ZNRF3: variants seen among roughly 807,000 people sequenced by gnomAD.
ZNRF3 encodes zinc and ring finger 3.
Under a neutral mutation model 72.5 loss-of-function variants are expected in ZNRF3, and 23 were observed. The observed-to-expected ratio is 0.32, with a 90% CI of 0.23 to 0.45. ZNRF3 has a LOEUF of 0.45. Among genes scored for constraint, ZNRF3 ranks in the 20% least tolerant of loss-of-function variants. The probability of loss-of-function intolerance (pLI) is 1.00; values close to 1 mark genes in which losing one functional copy is unlikely to be tolerated. For synonymous variants in ZNRF3, 610 were observed against 545.3 expected (o/e 1.12, Z -1.65); for missense variants, 1,169 against 1,272.1 (o/e 0.92, Z 1.23).
At position 28,884,188 on chromosome 22, in the gene ZNRF3, C is replaced by G. The variant is rs1173923026; in HGVS notation, c.300+122C>G. 35 of 757,786 alleles carry G rather than the reference C, an allele frequency of 4.6e-5. No individual in the cohort carries two copies. The South Asian group carries it at 1.9e-3, about 42-fold the overall frequency. 46.9% of individuals were successfully genotyped at this position (757,786 alleles called of 1,614,324 possible). ...GCGGGCGGGAGGGGTGGCCGAGAGG[C>G]CGGCGGCATCCCTCCCCTGCGGGCG... On this transcript the variant is annotated intron_variant, in intron 1 of 8. Coordinates refer to ENST00000544604, the MANE Select transcript of ZNRF3 (RefSeq NM_001206998.2).
chr22:29,043,703 A>C (rs937277942), intron 4 of ZNRF3, among the ~76,000 whole-genome samples: 3 of 152,094 alleles, frequency 2.0e-5, no homozygotes, highest in Non-Finnish European at 4.4e-5. Context: ...GCCATCTCTC[A>C]TCCTTTCTTT....
rs767941669 is a variant in ZNRF3, at chr22:29,030,496, T to G, written c.427-11999T>G. ...TCTCCTAAATAGATCAGCATAATCT[T>G]AACTAGGACTTAAAATGCATCATCT... On this transcript the variant is annotated intron_variant, in intron 2 of 8. Transcript: ENST00000544604. The surrounding 1 kb of genome is among the most constrained non-coding windows in gnomAD (Gnocchi z 4.2). Among the ~76,000 whole-genome samples the G allele has an allele frequency of 6.6e-6, 1 of 152,230 alleles. No individual in the cohort carries two copies. Among genetic ancestry groups the G allele is most frequent in the Admixed American group, 6.5e-5 (1 of 15,278 alleles).
At chr22:29,038,816 A>G (rs998227357) in intron 2 of ZNRF3, among the ~76,000 whole-genome samples, 1 of 152,168 alleles carries the variant, frequency 6.6e-6, no homozygotes, top group Admixed American at 6.5e-5. Flanking sequence ...TTTTAATAGT[A>G]GTTTACATTA....
chr22:29,044,736 G>C (rs759595842), intron 4 of ZNRF3, 44 bp from the exon 5 acceptor site: 31 of 1,387,508 alleles, frequency 2.2e-5, no homozygotes, highest in Non-Finnish European at 3.2e-5. Context: ...CGCTTACCAG[G>C]CTGGAGAGAG....
intron 1 of ZNRF3, among the ~76,000 whole-genome samples, chr22:28,904,940 C>CTT (rs563812107): frequency 8.6e-5 from 12 of 139,542 alleles, no homozygotes; most frequent in Admixed American, 1.5e-4. Context: ...GTGAAAGTGT[C>CTT]TTTTTTTTTT....
At chr22:28,920,553 G>A (rs757102373) in intron 1 of ZNRF3, among the ~76,000 whole-genome samples, 69 of 152,242 alleles carry the variant, frequency 4.5e-4, no homozygotes, top group Non-Finnish European at 8.5e-4. Context: ...TTACAGGCGT[G>A]AGCCACAGCA....
rs538909892 is a variant in ZNRF3, at chr22:28,915,844, C to G, written c.300+31778C>G. ...GTAGGTCTGACCACTGACACACACA[C>G]GGGCACCGCCCCCATATCCCACCCC... On this transcript the variant is annotated intron_variant, in intron 1 of 8. Coordinates refer to ENST00000544604, the MANE Select transcript of ZNRF3 (RefSeq NM_001206998.2). Among the ~76,000 whole-genome samples the G allele has an allele frequency of 2.0e-5, 3 of 152,300 alleles. No homozygotes were observed. The South Asian group carries it at 6.2e-4, about 32-fold the overall frequency.
Position 28,997,495 on chromosome 22 carries a change from A to AC in ZNRF3, c.426+10295dup, listed in dbSNP as rs2036063510. Among the ~76,000 whole-genome samples, 29 of 152,034 alleles carry AC rather than the reference A, an allele frequency of 1.9e-4. No homozygotes were observed. In the South Asian group the frequency reaches 6.0e-3, roughly 32 times the overall value. The stretch of plus-strand genomic sequence containing the variant: ...TCTGCCCCATTGCCTGCCATGAACA[A>AC]CAGGTTCCTGGTAGCCTTTGTGCTA... On this transcript the variant is annotated intron_variant, in intron 2 of 8. Transcript: ENST00000544604.
At chr22:28,915,904 C>T (rs2034399358) in intron 1 of ZNRF3, among the ~76,000 whole-genome samples, 1 of 152,206 alleles carries the variant, frequency 6.6e-6, no homozygotes, top group African/African-American at 2.4e-5. Context: ...CTTCTTTTGA[C>T]TTAAGCATTT....
intron 1 of ZNRF3, among the ~76,000 whole-genome samples, chr22:28,950,162 C>T (rs1322592179): frequency 2.0e-5 from 3 of 152,150 alleles, no homozygotes; most frequent in Non-Finnish European, 2.9e-5. Flanking sequence ...TGAATCAGTG[C>T]AAATGTCAGC....
At chr22:28,892,165 T>C (rs1464766092) in intron 1 of ZNRF3, among the ~76,000 whole-genome samples, 1 of 152,172 alleles carries the variant, frequency 6.6e-6, no homozygotes, top group Non-Finnish European at 1.5e-5. Flanking sequence ...TTACCACGAG[T>C]GCTACATGCC....
At chr22:28,950,303 A>T (rs2035137042) in intron 1 of ZNRF3, among the ~76,000 whole-genome samples, 2 of 152,232 alleles carry the variant, frequency 1.3e-5, no homozygotes, top group South Asian at 4.1e-4. Flanking sequence ...TGGGATGAGA[A>T]CCACTGGGCT....
At chr22:29,007,580 C>T (rs2036277472) in intron 2 of ZNRF3, among the ~76,000 whole-genome samples, 1 of 151,946 alleles carries the variant, frequency 6.6e-6, no homozygotes. Flanking sequence ...GTGAGCTGAG[C>T]TGTGATCGCA....
chr22:28,976,932 A>T lies in ZNRF3; in HGVS notation c.301-10144A>T, dbSNP rs567643804. ...GTGAGGGTTTGTAAAGTCAGGCGTG[A>T]GATATACATGGGGCCATATGTAAGT... On this transcript the variant is annotated intron_variant, in intron 1 of 8. Transcript: ENST00000544604. Among the ~76,000 whole-genome samples the T allele has an allele frequency of 2.0e-5, 3 of 152,324 alleles. No individual in the cohort carries two copies. The East Asian group carries it at 5.8e-4, about 29-fold the overall frequency.
Position 28,884,069 on chromosome 22 carries a change from A to G in ZNRF3, c.300+3A>G. On this transcript the variant is annotated splice_donor_region_variant and intron_variant, in intron 1 of 8. Coordinates refer to ENST00000544604, the MANE Select transcript of ZNRF3 (RefSeq NM_001206998.2). ...GCGCCGAGGGCGAGATCGTGCAGGT[A>G]GCTGCCCGCCGCCCGGGCCCCGCGC... 1 of 1,197,600 alleles carries G rather than the reference A, an allele frequency of 8.4e-7. No individual in the cohort carries two copies. The highest frequency in any genetic ancestry group is 1.1e-6 in the Non-Finnish European group (1 of 948,526). 74.2% of individuals were successfully genotyped at this position (1,197,600 alleles called of 1,614,324 possible). A position where few individuals can be genotyped will look rare whatever the true frequency, so the allele number is the denominator to read the frequency against.
chr22:28,928,490 CTTTTTTTTTTTTT>C (rs10710766), intron 1 of ZNRF3, among the ~76,000 whole-genome samples: 1 of 80,602 alleles, frequency 1.2e-5, no homozygotes. Flanking sequence ...CCAGAAATGT[CTTTTTTTTTTTTT>C]TTTTTTTTTT....
At chr22:29,028,026 G>A (rs1046033230) in intron 2 of ZNRF3, among the ~76,000 whole-genome samples, 7 of 152,100 alleles carry the variant, frequency 4.6e-5, no homozygotes, top group African/African-American at 1.7e-4. Context: ...AATGATTTTG[G>A]TTTAAGGTGA....
chr22:28,920,589 A>G (rs2034495719), intron 1 of ZNRF3, among the ~76,000 whole-genome samples: 1 of 152,220 alleles, frequency 6.6e-6, no homozygotes, highest in Non-Finnish European at 1.5e-5. Flanking sequence ...CTTATTGATC[A>G]GTTATATTTC....
chr22:28,984,865 G>A (rs1051494396), intron 1 of ZNRF3, among the ~76,000 whole-genome samples: 42 of 152,298 alleles, frequency 2.8e-4, no homozygotes, highest in Admixed American at 2.4e-3. Context: ...CCATGGCACC[G>A]CAGAACCTCC....
Sources: gnomAD v4.1 joint callset for allele counts (sites outside exome capture counted in the v4.1 genomes callset) on GRCh38, gnomAD v4.1.1 for gene constraint, Gnocchi (gnomAD v3.1) non-coding constraint, MANE v1.5 for transcripts, NCBI Gene and HGNC (gene_info 2026-07-23, HGNC 2026-07-21) for gene names.